Variants in ANKFN1 observed in about 807,000 individuals in gnomAD.
ANKFN1 encodes the protein ankyrin repeat and fibronectin type-III domain-containing protein 1.
In ANKFN1, 74 loss-of-function variants were observed where a neutral mutation model predicts 108.7. The observed-to-expected ratio is 0.68, with a 90% CI of 0.56 to 0.83. ANKFN1 has a LOEUF of 0.83. Among genes scored for constraint, ANKFN1 ranks in the 40% least tolerant of loss-of-function variants. The pLI is 0.00. For synonymous variants in ANKFN1, 547 were observed against 516.2 expected, an observed-to-expected ratio of 1.06 and a Z score of -0.81; for missense variants, 1,505 against 1,382.3, an observed-to-expected ratio of 1.09 and a Z score of -1.41.
At chr17:56,222,549 T>A (rs78971893) in intron 2 of ANKFN1, among the ~76,000 whole-genome samples, 1 of 151,990 alleles carries the variant, frequency 6.6e-6, no homozygotes, top group Non-Finnish European at 1.5e-5. Flanking sequence ...ACTAAAAGAG[T>A]ATAATGCAAA....
chr17:56,428,295 TA>T (rs950126054), intron 8 of ANKFN1, among the ~76,000 whole-genome samples: 1 of 151,960 alleles, frequency 6.6e-6, no homozygotes, highest in African/African-American at 2.4e-5. Context: ...CAGTAAATAT[TA>T]ATAGATGGTC....
chr17:56,474,094 C>T (rs1315144428), intron 15 of ANKFN1, among the ~76,000 whole-genome samples: 1 of 152,102 alleles, frequency 6.6e-6, no homozygotes. Context: ...AAAAGCAAAA[C>T]CATACCAAAT....
At chr17:56,457,463 T>C (rs1359839403) in intron 13 of ANKFN1, 74 bp downstream of exon 13, 8 of 1,439,410 alleles carry the variant, frequency 5.6e-6, no homozygotes, top group Middle Eastern at 2.0e-4. Flanking sequence ...GAAACATTAG[T>C]TGAGGGGTCT....
At chr17:56,363,770 T>C (rs1177843943) in intron 6 of ANKFN1, among the ~76,000 whole-genome samples, 1 of 152,182 alleles carries the variant, frequency 6.6e-6, no homozygotes, top group Middle Eastern at 3.2e-3. Flanking sequence ...GAAATGTCAT[T>C]TGTGACAAAA....
chr17:56,337,495 C>T (rs1053134689), intron 4 of ANKFN1, among the ~76,000 whole-genome samples: 15 of 152,152 alleles, frequency 9.9e-5, no homozygotes, highest in East Asian at 9.7e-4. Flanking sequence ...GGCTTCTGCA[C>T]GGCAAAAGAA....
At chr17:56,231,242 C>T (rs889818288) in intron 3 of ANKFN1, among the ~76,000 whole-genome samples, 3 of 151,978 alleles carry the variant, frequency 2.0e-5, no homozygotes, top group Admixed American at 2.0e-4. Context: ...TTAAGTATTC[C>T]ATCTCTAAGT....
At chr17:56,493,224 T>C (rs972078395) in intron 19 of ANKFN1, among the ~76,000 whole-genome samples, 1 of 152,088 alleles carries the variant, frequency 6.6e-6, no homozygotes, top group African/African-American at 2.4e-5. Flanking sequence ...ATTTGTAAAA[T>C]GTGCTAGGTG....
At position 56,122,380 on chromosome 17, in the gene ANKFN1, T is replaced by C. The variant is rs940891687; in HGVS notation, c.288+76055T>C. 2.6e-5 allele frequency among the ~76,000 whole-genome samples: 4 copies of C among 152,344 alleles called. No individual in the cohort carries two copies. The East Asian group carries it at 7.7e-4, about 29-fold the overall frequency. On this transcript the variant is annotated intron_variant, in intron 4 of 12. Coordinates refer to the ANKFN1 transcript ENST00000635860. ...AACGTGCCTGAGATCTTCTTTGTTGTCACTGTTTTACTTCCATATCATGGA... is the reference window on the plus strand; with the variant it reads ...AACGTGCCTGAGATCTTCTTTGTTGCCACTGTTTTACTTCCATATCATGGA...
At position 56,250,832 on chromosome 17, in the gene ANKFN1, G is replaced by T. The variant is rs766960663; in HGVS notation, c.53+22875G>T. Among the ~76,000 whole-genome samples, 11 of 152,214 alleles carry T rather than the reference G, an allele frequency of 7.2e-5. 1 individual carries two copies. The highest frequency in any genetic ancestry group is 1.3e-4 in the Non-Finnish European group (9 of 68,034). ...TGGACAATTTTTCCCATGCAGGAAA[G>T]TTGGAGGACAAGCTAAACCCATCAC... On this transcript the variant is annotated intron_variant, in intron 3 of 20. Transcript: ENST00000682825.
At chr17:56,374,541 G>A (rs2046894462) in intron 7 of ANKFN1, 60 bp from the exon 8 acceptor site, 1 of 1,234,650 alleles carries the variant, frequency 8.1e-7, no homozygotes. Flanking sequence ...GAAGAGGGAG[G>A]AACGTTGTTT....
At chr17:56,202,825 C>T (rs541107165) in intron 1 of ANKFN1, among the ~76,000 whole-genome samples, 20 of 152,084 alleles carry the variant, frequency 1.3e-4, no homozygotes, top group Admixed American at 2.6e-4. Flanking sequence ...TATAATGATG[C>T]GAAAGAATGC....
At chr17:56,071,779 C>T (rs1031671235) in intron 4 of ANKFN1, among the ~76,000 whole-genome samples, 5 of 152,252 alleles carry the variant, frequency 3.3e-5, no homozygotes, top group Admixed American at 2.6e-4. Context: ...AAGACAAGGA[C>T]ATATCCCAGT....
At chr17:56,055,557 G>GTATATATATA (rs1555588755) in intron 4 of ANKFN1, among the ~76,000 whole-genome samples, 5 of 20,946 alleles carry the variant, frequency 2.4e-4, no homozygotes, top group East Asian at 7.6e-4. Context: ...TGTGTGTGTG[G>GTATATATATA]TATATATACA....
At chr17:56,436,837 C>T (rs1248655551) in intron 8 of ANKFN1, among the ~76,000 whole-genome samples, 1 of 79,170 alleles carries the variant, frequency 1.3e-5, no homozygotes, top group Non-Finnish European at 2.7e-5. Flanking sequence ...AACTCCATCT[C>T]AAAAAAAAAA....
chr17:56,447,538 G>C (rs548095785), intron 10 of ANKFN1, among the ~76,000 whole-genome samples: 1 of 152,310 alleles, frequency 6.6e-6, no homozygotes, highest in East Asian at 1.9e-4. Flanking sequence ...TATACAACTG[G>C]ATTGGTTATA....
intron 11 of ANKFN1, among the ~76,000 whole-genome samples, chr17:56,452,606 C>T (rs958971539): frequency 1.3e-5 from 2 of 152,178 alleles, no homozygotes; most frequent in South Asian, 4.1e-4. Flanking sequence ...CATGTTATTA[C>T]ACCCAAAACT....
At chr17:56,201,094 A>G (rs1235982676) in intron 1 of ANKFN1, among the ~76,000 whole-genome samples, 2 of 152,068 alleles carry the variant, frequency 1.3e-5, no homozygotes, top group Non-Finnish European at 1.5e-5. Context: ...CCACCCCATC[A>G]TGTCACACAC....
chr17:56,197,283 G>A (rs1030635926), intron 1 of ANKFN1, among the ~76,000 whole-genome samples: 7 of 152,142 alleles, frequency 4.6e-5, no homozygotes, highest in Non-Finnish European at 2.9e-5. Flanking sequence ...ATCGATTACA[G>A]TGGAACTTAG....
chr17:56,434,994 C>T (rs2048886907), intron 8 of ANKFN1, among the ~76,000 whole-genome samples: 1 of 152,128 alleles, frequency 6.6e-6, no homozygotes, highest in Non-Finnish European at 1.5e-5. Flanking sequence ...ATAGGAAATA[C>T]ACTTTTAGTT....
Sources: allele counts gnomAD v4.1 joint callset (sites outside exome capture counted in the v4.1 genomes callset), GRCh38; gene constraint gnomAD v4.1.1; transcripts MANE v1.5; gene names NCBI Gene and HGNC (gene_info 2026-07-23, HGNC 2026-07-21).